The following PGR variants were observed in gnomAD, a reference collection of about 807,000 sequenced individuals.
PGR encodes the protein nuclear receptor subfamily 3 group C member 3.
A neutral mutation model predicts 76.1 loss-of-function variants in PGR; 25 were observed. The observed-to-expected ratio is 0.33, with a 90% CI of 0.24 to 0.46. The LOEUF (loss-of-function observed/expected upper bound fraction) is 0.46. PGR is among the 20% of genes least tolerant of loss of function. The pLI, the probability that PGR is intolerant of heterozygous loss-of-function variation, is 1.00. For missense variants in PGR, 1,172 were observed against 1,225.3 expected (o/e 0.96, Z 0.65); for synonymous variants, 579 against 535.0 (o/e 1.08, Z -1.14).
intron 6 of PGR, among the ~76,000 whole-genome samples, chr11:101,048,754 C>G (rs1157458989): frequency 6.6e-6 from 1 of 152,138 alleles, no homozygotes; most frequent in Admixed American, 6.6e-5. Flanking sequence ...ACACTGTACA[C>G]TTAGGCTACA....
chr11:101,072,757 T>C (rs543158545), intron 3 of PGR, among the ~76,000 whole-genome samples: 71 of 152,296 alleles, frequency 4.7e-4, no homozygotes, highest in African/African-American at 1.6e-3. Flanking sequence ...AAGGGATCAA[T>C]GCAACAAGAA....
chr11:101,051,384 T>C lies in PGR; in HGVS notation c.2357+40A>G, dbSNP rs561502569. On this transcript the variant is annotated intron_variant, in intron 5 of 7. Coordinates refer to ENST00000325455, the MANE Select transcript of PGR (RefSeq NM_000926.4). ...ATAACTTTCAAAATTATCCTACATG[T>C]ACACTTAAAATAACAAAAACAACAA... 2.2e-4 allele frequency: 294 copies of C among 1,367,406 alleles called. 2 individuals are homozygous for C. The South Asian group carries it at 3.0e-3, about 14-fold the overall frequency. 84.7% of individuals were successfully genotyped at this position (1,367,406 alleles called of 1,614,324 possible). A position where few individuals can be genotyped will look rare whatever the true frequency, so the allele number is the denominator to read the frequency against.
chr11:101,051,354 G>T, intron 5 of PGR, 70 bp downstream of exon 5: 1 of 1,018,684 alleles, frequency 9.8e-7, no homozygotes, highest in Non-Finnish European at 1.6e-6. Context: ...ATCATCTATT[G>T]AAATATAACT....
chr11:101,113,064 A>C (rs1404977002), intron 2 of PGR, among the ~76,000 whole-genome samples: 1 of 152,200 alleles, frequency 6.6e-6, no homozygotes, highest in East Asian at 1.9e-4. Context: ...CAAAATGTTT[A>C]TGTATGAAAC....
At chr11:101,042,809 T>A (rs1591366693) in intron 6 of PGR, among the ~76,000 whole-genome samples, 1 of 152,304 alleles carries the variant, frequency 6.6e-6, no homozygotes, top group Non-Finnish European at 1.5e-5. Context: ...GAAGTTATAT[T>A]TACACTATAC....
intron 4 of PGR, among the ~76,000 whole-genome samples, chr11:101,061,716 G>A (rs571508308): frequency 1.1e-4 from 17 of 152,288 alleles, no homozygotes; most frequent in African/African-American, 3.6e-4. Context: ...TGCTATACAT[G>A]TATTCTCCTG....
At position 101,031,910 on chromosome 11, in the gene PGR, T is replaced by C. The variant is rs561033560; in HGVS notation, c.*7206A>G. On this transcript the variant is annotated 3_prime_UTR_variant, in exon 8 of 8. Transcript: ENST00000325455. ...AGCACAACTCAGTTCCTCTTTCTCATTTTCTGAAACTTGAACTGCTCTAGT... is the reference window on the plus strand; with the variant it reads ...AGCACAACTCAGTTCCTCTTTCTCACTTTCTGAAACTTGAACTGCTCTAGT... 1.3e-5 allele frequency: 3 copies of C among 230,918 alleles called. No individual in the cohort carries two copies. Among genetic ancestry groups the C allele is most frequent in the South Asian group, 3.6e-4 (2 of 5,502 alleles). The allele number at this position is 230,918 out of a possible 1,614,324, so 14.3% of individuals were successfully genotyped here. A position where few individuals can be genotyped will look rare whatever the true frequency, so the allele number is the denominator to read the frequency against.
At chr11:101,106,129 A>G (rs999554885) in intron 2 of PGR, among the ~76,000 whole-genome samples, 4 of 152,234 alleles carry the variant, frequency 2.6e-5, no homozygotes, top group African/African-American at 9.6e-5. Flanking sequence ...AAATCCTAGA[A>G]GAAAACCTAG....
Position 101,036,706 on chromosome 11 carries a change from C to CA in PGR, c.*2409dup, listed in dbSNP as rs1299137702. On this transcript the variant is annotated 3_prime_UTR_variant, in exon 8 of 8. Coordinates refer to ENST00000325455, the MANE Select transcript of PGR (RefSeq NM_000926.4). ...AGTGTTTAGACATCTACATTGCAGA[C>CA]AGAGATCAACATCGAAGATATCAAA... is the stretch of plus-strand genomic sequence containing the variant. The CA allele has an allele frequency of 4.9e-6, 1 of 202,244 alleles. No homozygotes were observed. The highest frequency in any genetic ancestry group is 2.3e-5 in the African/African-American group (1 of 43,586). 12.5% of individuals were successfully genotyped at this position (202,244 alleles called of 1,614,324 possible).
Position 101,044,825 on chromosome 11 carries a change from G to T in PGR, c.2489-2723C>A, listed in dbSNP as rs555056694. On this transcript the variant is annotated intron_variant, in intron 6 of 7. Transcript: ENST00000325455. Reference sequence around the variant, plus strand: ...ATGTTCAAGCAATTCTCCCGCCTCAGCCTCCTGAGTAGCTAGGATTACAAG... The same window carrying T: ...ATGTTCAAGCAATTCTCCCGCCTCATCCTCCTGAGTAGCTAGGATTACAAG... Among the ~76,000 whole-genome samples, 589 of 148,770 alleles carry T rather than the reference G, an allele frequency of 4.0e-3. 5 individuals carry two copies. Among genetic ancestry groups the T allele is most frequent in the African/African-American group, 0.014 (551 of 40,466 alleles).
intron 2 of PGR, among the ~76,000 whole-genome samples, chr11:101,104,194 TAC>T (rs1362358253): frequency 6.6e-6 from 1 of 152,228 alleles, no homozygotes; most frequent in East Asian, 1.9e-4. Context: ...AATCAATTAA[TAC>T]TTTTGCTGCC....
At chr11:101,127,232 C>G (rs1862868071) in intron 1 of PGR, 4 of 408,230 alleles carry the variant, frequency 9.8e-6, no homozygotes, top group Non-Finnish European at 1.7e-5. Context: ...TCTGCGCCCA[C>G]CTTCGTGTCC....
intron 4 of PGR, among the ~76,000 whole-genome samples, chr11:101,053,843 G>A (rs907842725): frequency 1.5e-4 from 22 of 151,296 alleles, no homozygotes; most frequent in African/African-American, 5.4e-4. Context: ...TCTCTGTGTG[G>A]GCAGAGTTCC....
Position 101,128,984 on chromosome 11 carries a change from A to C in PGR, c.87T>G (p.Cys29Trp). The change falls in exon 1 of 8, where the codon TGT becomes TGG. Residue 29 changes from cysteine (C) to tryptophan (W), a missense_variant. Cys to Trp is a radical substitution (Grantham distance 215). This residue lies in a region of PGR where 893 missense variants were observed against 785.9 expected (regional missense o/e 1.14). Transcript: ENST00000325455. ...CCGGGAACGGACCTGCGGCTGGGCG[A>C]CACAGCAGTGGGGATCCGACCTCGG... ...PSPEVGSPLL[C>W]RPAAGPFPGS... The C allele has an allele frequency of 1.3e-6, 2 of 1,598,084 alleles. No individual in the cohort carries two copies. The highest frequency in any genetic ancestry group is 1.7e-6 in the Non-Finnish European group (2 of 1,171,840).
At chr11:101,094,390 C>G (rs148494608) in intron 2 of PGR, among the ~76,000 whole-genome samples, 1 of 152,324 alleles carries the variant, frequency 6.6e-6, no homozygotes, top group East Asian at 1.9e-4. Context: ...TCTTTCCCCA[C>G]CTGTCCCATT....
At chr11:101,127,374 C>G (rs11571153) in intron 1 of PGR, 60 bp downstream of exon 1, 106 of 1,311,090 alleles carry the variant, frequency 8.1e-5, no homozygotes, top group Admixed American at 9.0e-5. Context: ...TGGCGGCCGC[C>G]GCCGCCAACG....
chr11:101,040,861 C>A (rs1859674243), intron 7 of PGR, among the ~76,000 whole-genome samples: 1 of 151,986 alleles, frequency 6.6e-6, no homozygotes, highest in Non-Finnish European at 1.5e-5. Context: ...CTGGACATTC[C>A]TATTAATTGG....
chr11:101,049,338 G>C (rs1485529839), intron 6 of PGR, among the ~76,000 whole-genome samples: 2 of 152,084 alleles, frequency 1.3e-5, no homozygotes, highest in African/African-American at 4.8e-5. Context: ...AAAAAAAGTA[G>C]AAGTAGTGAC....
chr11:101,030,436 A>G lies in PGR; in HGVS notation c.*8680T>C, dbSNP rs1006958063. ...TTTGCATCTGTTACCAGCCAGTGCCAGGAGAACTGTCAGGCACACATGGAT... is the reference window on the plus strand; with the variant it reads ...TTTGCATCTGTTACCAGCCAGTGCCGGGAGAACTGTCAGGCACACATGGAT... On this transcript the variant is annotated 3_prime_UTR_variant, in exon 8 of 8. Coordinates refer to ENST00000325455, the MANE Select transcript of PGR (RefSeq NM_000926.4). 11 of 230,824 alleles carry G rather than the reference A, an allele frequency of 4.8e-5. No individual in the cohort carries two copies. Among genetic ancestry groups the G allele is most frequent in the Non-Finnish European group, 8.6e-5 (10 of 116,592 alleles). The allele number at this position is 230,824 out of a possible 1,614,324, so 14.3% of individuals were successfully genotyped here. A position where few individuals can be genotyped will look rare whatever the true frequency, so the allele number is the denominator to read the frequency against.
Sources: gnomAD v4.1 joint callset for allele counts (sites outside exome capture counted in the v4.1 genomes callset) on GRCh38, gnomAD v4.1.1 for gene constraint, gnomAD v4.1.1 regional missense constraint, MANE v1.5 for transcripts, NCBI Gene and HGNC (gene_info 2026-07-23, HGNC 2026-07-21) for gene names.